Variants in ISOC2 observed in about 807,000 individuals in gnomAD.
The protein encoded by ISOC2 is isochorismatase domain-containing protein 2.
In ISOC2, 15 loss-of-function variants were observed where a neutral mutation model predicts 19.3. That is an observed-to-expected ratio of 0.78 (90% confidence interval 0.52 to 1.20). The LOEUF is 1.20. Among genes scored for constraint, ISOC2 ranks in the 50% most tolerant of loss-of-function variants. The pLI, the probability that ISOC2 is intolerant of heterozygous loss-of-function variation, is 0.00. For synonymous variants in ISOC2, 106 were observed against 115.8 expected, an observed-to-expected ratio of 0.92 and a Z score of 0.54; for missense variants, 285 against 272.4, an observed-to-expected ratio of 1.05 and a Z score of -0.33.
rs561361781 is a variant in ISOC2 at position 55,453,185 on chromosome 19, C to G, written c.*123G>C. The G allele has an allele frequency of 8.1e-6, 5 of 616,056 alleles. No homozygotes were observed. In the African/African-American group the frequency reaches 9.7e-5, roughly 12 times the overall value. The allele number at this position is 616,056 out of a possible 1,614,324, so 38.2% of individuals were successfully genotyped here. On this transcript the variant is annotated 3_prime_UTR_variant, in exon 6 of 6. Coordinates refer to ENST00000425675, the MANE Select transcript of ISOC2 (RefSeq NM_001136201.2). ...AATGGGAAGGCAGCACCCTGCCCCC[C>G]CCACAAGGGGGCGGCACTCCTGGTG...
chr19:55,455,574 T>A, intron 3 of ISOC2, 62 bp downstream of exon 3: 1 of 1,385,188 alleles, frequency 7.2e-7, no homozygotes, highest in Admixed American at 2.4e-5. Flanking sequence ...GGAAGGAGGT[T>A]CTATTTAGGA....
chr19:55,454,941 G>T, intron 5 of ISOC2, 48 bp downstream of exon 5: 1 of 1,369,934 alleles, frequency 7.3e-7, no homozygotes, highest in Non-Finnish European at 1.0e-6. Flanking sequence ...CCAAAGACAA[G>T]ACCTTTGACA....
chr19:55,455,113 G>C lies in ISOC2; in HGVS notation c.420-7C>G. ...CACCAGCCGGTCCACCTGGCTGTGA[G>C]TGGGAGGGAGGGAGGGAAGGTTGGT... On this transcript the variant is annotated splice_polypyrimidine_tract_variant and splice_region_variant and intron_variant, in intron 4 of 5. Transcript: ENST00000425675. 6.3e-7 allele frequency: 1 copy of C among 1,591,416 alleles called. No homozygotes were observed. The highest frequency in any genetic ancestry group is 8.6e-7 in the Non-Finnish European group (1 of 1,160,692).
At chr19:55,460,436 G>A (rs1986197328) in intron 1 of ISOC2, among the ~76,000 whole-genome samples, 1 of 152,224 alleles carries the variant, frequency 6.6e-6, no homozygotes, top group African/African-American at 2.4e-5. Flanking sequence ...GTCTGTAGGA[G>A]CCTTTTCACT....
Position 55,453,012 on chromosome 19 carries a change from A to T in ISOC2, c.*296T>A, listed in dbSNP as rs1985909128. On this transcript the variant is annotated 3_prime_UTR_variant, in exon 6 of 6. Transcript: ENST00000425675. ...CAGCCACATATATGTTTATTCTGCG[A>T]GTCCGTGTCCCACAGTCTGAGACTC... is the stretch of plus-strand genomic sequence containing the variant. The T allele has an allele frequency of 3.4e-6, 1 of 293,458 alleles. No individual in the cohort carries two copies. Among genetic ancestry groups the T allele is most frequent in the Non-Finnish European group, 6.3e-6 (1 of 157,738 alleles). 18.2% of individuals were successfully genotyped at this position (293,458 alleles called of 1,614,324 possible). A position where few individuals can be genotyped will look rare whatever the true frequency, so the allele number is the denominator to read the frequency against.
At position 55,453,144 on chromosome 19, in the gene ISOC2, C is replaced by G; in HGVS notation, c.*164G>C. The G allele has an allele frequency of 1.9e-6, 1 of 527,812 alleles. No individual in the cohort carries two copies. The allele number at this position is 527,812 out of a possible 1,614,324, so 32.7% of individuals were successfully genotyped here. A position where few individuals can be genotyped will look rare whatever the true frequency, so the allele number is the denominator to read the frequency against. On this transcript the variant is annotated 3_prime_UTR_variant, in exon 6 of 6. Coordinates refer to ENST00000425675, the MANE Select transcript of ISOC2 (RefSeq NM_001136201.2). Reference sequence around the variant, plus strand: ...GTTTCCAGGAGTCTCATTTGCATTTCCGGGAGCAGCTGTCCAATGGGAAGG... The same window carrying G: ...GTTTCCAGGAGTCTCATTTGCATTTGCGGGAGCAGCTGTCCAATGGGAAGG...
Position 55,455,279 on chromosome 19 carries a change from C to T in ISOC2, c.400G>A (p.Asp134Asn), listed in dbSNP as rs1457995665. 5.0e-6 allele frequency: 8 copies of T among 1,613,010 alleles called. No homozygotes were observed. Among genetic ancestry groups the T allele is most frequent in the Non-Finnish European group, 6.8e-6 (8 of 1,179,468 alleles). ...DRGLQVHVVVDACSSRSQVDR... is the reference protein window; with the variant it reads ...DRGLQVHVVVNACSSRSQVDR... ...TCTCACCTGCGTGAGGAGCAGGCGT[C>T]CACCACCACATGGACCTGCAGCCCC... Residue 134 changes from aspartate (D) to asparagine (N), a missense_variant, in exon 4 of 6, where the codon GAC (aspartate) becomes AAC (asparagine). By Grantham distance (23) the Asp-to-Asn change is conservative. Transcript: ENST00000425675.
intron 1 of ISOC2, among the ~76,000 whole-genome samples, chr19:55,458,497 G>T (rs1986134944): frequency 6.6e-6 from 1 of 151,892 alleles, no homozygotes; most frequent in South Asian, 2.1e-4. Flanking sequence ...GCTGAGGGAG[G>T]CAGGGCACTC....
chr19:55,453,225 T>A lies in ISOC2; in HGVS notation c.*83A>T. On this transcript the variant is annotated 3_prime_UTR_variant, in exon 6 of 6. Transcript: ENST00000425675. ...CACTCCTGGTGGATCGCACCACTCT[T>A]GGGATCCAGGGATGGGGGGAACGGG... The A allele has an allele frequency of 1.0e-6, 1 of 1,003,428 alleles. No individual in the cohort carries two copies. Among genetic ancestry groups the A allele is most frequent in the South Asian group, 1.6e-5 (1 of 62,014 alleles). The allele number at this position is 1,003,428 out of a possible 1,614,324, so 62.2% of individuals were successfully genotyped here.
At chr19:55,459,235 C>A (rs1423044661) in intron 1 of ISOC2, among the ~76,000 whole-genome samples, 1 of 152,222 alleles carries the variant, frequency 6.6e-6, no homozygotes, top group Non-Finnish European at 1.5e-5. Flanking sequence ...CCGCGCCTGG[C>A]CTATTATTCT....
Position 55,453,387 on chromosome 19 carries a change from A to G in ISOC2, c.539T>C (p.Ile180Thr). The G allele has an allele frequency of 6.2e-7, 1 of 1,601,030 alleles. No individual in the cohort carries two copies. Among genetic ancestry groups the G allele is most frequent in the Non-Finnish European group, 8.5e-7 (1 of 1,174,284 alleles). ...GDAVHPQFKE[I>T]QKLIKEPAPD... ...GGCGGGCTCCTTGATGAGTTTCTGG[A>G]TCTGTAAGGGCAGGGGGCGATGGGT... The change falls in exon 6 of 6, where the codon ATC becomes ACC. Residue 180 changes from isoleucine to threonine, a missense_variant and splice_region_variant. Physicochemically the swap from Ile to Thr is moderately conservative, Grantham distance 89. Transcript: ENST00000425675.
intron 1 of ISOC2, among the ~76,000 whole-genome samples, chr19:55,457,403 C>T (rs1027069696): frequency 6.6e-6 from 1 of 151,908 alleles, no homozygotes; most frequent in Non-Finnish European, 1.5e-5. Flanking sequence ...CAGGCAGTGG[C>T]GGGTGCCTGT....
intron 1 of ISOC2, among the ~76,000 whole-genome samples, chr19:55,460,635 G>T (rs559349324): frequency 6.6e-6 from 1 of 152,366 alleles, no homozygotes; most frequent in Admixed American, 6.5e-5. Flanking sequence ...CCTGGGATGT[G>T]GCGCATGTTT....
chr19:55,455,120 G>A lies in ISOC2; in HGVS notation c.420-14C>T, dbSNP rs768200637. The A allele has an allele frequency of 1.3e-6, 2 of 1,588,840 alleles. No homozygotes were observed. The highest frequency in any genetic ancestry group is 3.3e-5 in the Admixed American group (2 of 59,946). ...CGGTCCACCTGGCTGTGAGTGGGAG[G>A]GAGGGAGGGAAGGTTGGTGTGGACG... On this transcript the variant is annotated splice_polypyrimidine_tract_variant and intron_variant, in intron 4 of 5. Transcript: ENST00000425675.
intron 1 of ISOC2, chr19:55,456,979 GTCAGCCCTGGTTACCA>G (rs72040586): frequency 0.27 from 40,629 of 151,682 alleles, 5,581 homozygotes; most frequent in African/African-American, 0.33. Context: ...CCCGGTTACT[GTCAGCCCTGGTTACCA>G]TCAGCCCCAA....
At position 55,456,482 on chromosome 19, in the gene ISOC2, G is replaced by T; in HGVS notation, c.5C>A (p.Ala2Glu). The T allele has an allele frequency of 6.2e-7, 1 of 1,613,574 alleles. No homozygotes were observed. Among genetic ancestry groups the T allele is most frequent in the Non-Finnish European group, 8.5e-7 (1 of 1,179,698 alleles). The change falls in exon 2 of 6, where the codon GCG (alanine) becomes GAG (glutamate). Residue 2 changes from alanine to glutamate, a missense_variant. Transcript: ENST00000425675. Reference sequence around the variant, plus strand: ...TCGGCCCAGGCTGGGCCTGGCAGCCGCCATTTTCTGGGGGTGGGCAGAGGG... The same window carrying T: ...TCGGCCCAGGCTGGGCCTGGCAGCCTCCATTTTCTGGGGGTGGGCAGAGGG... M[A>E]AARPSLGRVL...
At chr19:55,461,099 A>G (rs983422941) in intron 1 of ISOC2, among the ~76,000 whole-genome samples, 4 of 150,648 alleles carry the variant, frequency 2.7e-5, no homozygotes, top group African/African-American at 7.4e-5. Flanking sequence ...ACGAGGAGAG[A>G]TTCAGCCTGG....
At position 55,453,314 on chromosome 19, in the gene ISOC2, G is replaced by A. The variant is rs1453734796; in HGVS notation, c.612C>T (p.Leu204=). ...CTCAAGGCAGGGTTGGAGTTCAGTG[G>A]AGGAGGGAGTTCTGGCCTTGGAAGA... is the stretch of plus-strand genomic sequence containing the variant. ...LGLFQGQNSL[L]H Residue 204 remains leucine (L), a synonymous_variant, in exon 6 of 6, where the codon CTC becomes CTT. Transcript: ENST00000425675. 9 of 1,606,464 alleles carry A rather than the reference G, an allele frequency of 5.6e-6. No homozygotes were observed. The highest frequency in any genetic ancestry group is 6.8e-6 in the Non-Finnish European group (8 of 1,176,872).
At position 55,456,389 on chromosome 19, in the gene ISOC2, T is replaced by C. The variant is rs1473376446; in HGVS notation, c.98A>G (p.Tyr33Cys). ...MQEKFRHNIAYFPQIVSVAAR... is the reference protein window; with the variant it reads ...MQEKFRHNIACFPQIVSVAAR... ...AGCCACTGAGACGATCTGTGGGAAG[T>C]AGGCGATGTTGTGGCGGAACTTCTC... is the stretch of plus-strand genomic sequence containing the variant. The change falls in exon 2 of 6, where the codon TAC (tyrosine) becomes TGC (cysteine). Residue 33 changes from tyrosine to cysteine, a missense_variant. Transcript: ENST00000425675. 1 of 1,613,534 alleles carries C rather than the reference T, an allele frequency of 6.2e-7. No individual in the cohort carries two copies. Among genetic ancestry groups the C allele is most frequent in the Non-Finnish European group, 8.5e-7 (1 of 1,179,800 alleles).
Sources: gnomAD v4.1 joint callset for allele counts (sites outside exome capture counted in the v4.1 genomes callset) on GRCh38, gnomAD v4.1.1 for gene constraint, MANE v1.5 for transcripts, NCBI Gene and HGNC (gene_info 2026-07-23, HGNC 2026-07-21) for gene names.